IL1RAPL2: variants seen among roughly 807,000 people sequenced by gnomAD.
The protein encoded by IL1RAPL2 is X-linked interleukin-1 receptor accessory protein-like 2.
Under a neutral mutation model 44.1 loss-of-function variants are expected in IL1RAPL2, and 3 were observed. That is an observed-to-expected ratio of 0.07 (90% CI 0.03 to 0.18). IL1RAPL2 has a LOEUF of 0.18. Among genes scored for constraint, IL1RAPL2 ranks in the 10% least tolerant of loss-of-function variants. The probability of loss-of-function intolerance (pLI) is 1.00; values close to 1 mark genes in which losing one functional copy is unlikely to be tolerated. For synonymous variants in IL1RAPL2, 181 were observed against 178.8 expected, an observed-to-expected ratio of 1.01 and a Z score of -0.10; for missense variants, 391 against 496.4, an observed-to-expected ratio of 0.79 and a Z score of 2.02.
At chrX:104,688,512 G>A (rs1398226992) in intron 2 of IL1RAPL2, among the ~76,000 whole-genome samples, 4 of 111,463 alleles carry the variant, frequency 3.6e-5, no homozygotes, top group Admixed American at 1.9e-4. Flanking sequence ...AACGCTTAAT[G>A]CAGTACCTGG....
At chrX:105,160,022 G>C (rs751738360) in intron 2 of IL1RAPL2, among the ~76,000 whole-genome samples, 1 of 92,354 alleles carries the variant, frequency 1.1e-5, no homozygotes, top group Non-Finnish European at 2.0e-5. Context: ...GTGGTTGTTT[G>C]TAACAAAAAT....
intron 2 of IL1RAPL2, among the ~76,000 whole-genome samples, chrX:105,080,724 A>T (rs1439691312): frequency 9.0e-6 from 1 of 111,379 alleles, no homozygotes; most frequent in Admixed American, 9.6e-5. Flanking sequence ...TCCGTAGGAA[A>T]TTGAAGTAGT....
At chrX:105,170,548 C>A (rs1408971660) in intron 2 of IL1RAPL2, among the ~76,000 whole-genome samples, 1 of 111,153 alleles carries the variant, frequency 9.0e-6, no homozygotes, top group Admixed American at 9.6e-5. Context: ...TACAATGACC[C>A]CATGAAGTAG....
chrX:105,670,597 C>T (rs2037815839), intron 6 of IL1RAPL2, among the ~76,000 whole-genome samples: 1 of 98,915 alleles, frequency 1.0e-5, no homozygotes, highest in African/African-American at 3.6e-5. Flanking sequence ...CCGCGCCCGG[C>T]CAATCTTGTC....
intron 2 of IL1RAPL2, among the ~76,000 whole-genome samples, chrX:104,882,162 A>G (rs764854186): frequency 3.6e-5 from 4 of 112,002 alleles, no homozygotes; most frequent in Non-Finnish European, 7.5e-5. Context: ...AAATGTGCAG[A>G]TATGATATAC....
In IL1RAPL2 at chrX:104,732,241, C is replaced by A. The variant is rs113741102; in HGVS notation, c.82+73246C>A. Among the ~76,000 whole-genome samples the A allele has an allele frequency of 3.2e-3, 352 of 110,125 alleles. 2 individuals are homozygous for A. Among genetic ancestry groups the A allele is most frequent in the African/African-American group, 0.011 (337 of 30,268 alleles). On this transcript the variant is annotated intron_variant, in intron 2 of 10. Transcript: ENST00000372582. ...CCACTTTAAGTAGTTAGAAAAGGAA[C>A]AAGATAGTTGATTAAAAAAGGGAAG...
chrX:104,773,655 C>T (rs1488101571), intron 2 of IL1RAPL2, among the ~76,000 whole-genome samples: 5 of 111,770 alleles, frequency 4.5e-5, no homozygotes, highest in East Asian at 5.6e-4. Flanking sequence ...GAAAGAAGTT[C>T]GTGCTGTTGT....
Position 104,678,737 on chromosome X carries a change from A to G in IL1RAPL2, c.82+19742A>G, listed in dbSNP as rs1172802518. 2.7e-5 allele frequency among the ~76,000 whole-genome samples: 3 copies of G among 111,526 alleles called. No individual in the cohort carries two copies. The Admixed American group carries it at 2.9e-4, about 11-fold the overall frequency. On this transcript the variant is annotated intron_variant, in intron 2 of 10. Coordinates refer to ENST00000372582, the MANE Select transcript of IL1RAPL2 (RefSeq NM_017416.2). ...GAATTAGTTCAATTGTTCAATTCCC[A>G]CTTATGAGTGAGAACACATGGACAC...
intron 5 of IL1RAPL2, among the ~76,000 whole-genome samples, chrX:105,360,510 C>A (rs2035239860): frequency 9.0e-6 from 1 of 110,624 alleles, no homozygotes; most frequent in African/African-American, 3.3e-5. Context: ...GTAATAGGTG[C>A]TCTGGAAAAA....
chrX:105,062,818 A>G (rs2032091702), intron 2 of IL1RAPL2, among the ~76,000 whole-genome samples: 1 of 111,279 alleles, frequency 9.0e-6, no homozygotes, highest in Admixed American at 9.6e-5. Flanking sequence ...TTGAAGCTCC[A>G]TTGTATGTTA....
chrX:104,736,553 G>A (rs73243900), intron 2 of IL1RAPL2, among the ~76,000 whole-genome samples: 375 of 112,046 alleles, frequency 3.3e-3, no homozygotes, highest in Non-Finnish European at 5.7e-3. Context: ...CCACCATGAA[G>A]TCATTTTACA....
intron 5 of IL1RAPL2, among the ~76,000 whole-genome samples, chrX:105,383,092 A>C (rs1235865284): frequency 9.1e-6 from 1 of 110,099 alleles, no homozygotes; most frequent in Non-Finnish European, 1.9e-5. Context: ...CACGTTGTGC[A>C]CATGTACCCT....
At chrX:105,676,879 A>C (rs2037877555) in intron 6 of IL1RAPL2, among the ~76,000 whole-genome samples, 2 of 112,060 alleles carry the variant, frequency 1.8e-5, no homozygotes, top group South Asian at 7.4e-4. Flanking sequence ...ACTAAATCAT[A>C]ATGCTTTAGT....
At chrX:105,197,643 C>T (rs999695063) in intron 3 of IL1RAPL2, among the ~76,000 whole-genome samples, 3 of 111,621 alleles carry the variant, frequency 2.7e-5, no homozygotes, top group Non-Finnish European at 5.6e-5. Flanking sequence ...AACATACTGA[C>T]ATGGCTATTT....
chrX:105,059,210 A>G (rs1376727999), intron 2 of IL1RAPL2, among the ~76,000 whole-genome samples: 1 of 111,790 alleles, frequency 8.9e-6, no homozygotes, highest in African/African-American at 3.2e-5. Context: ...ATCAAATACT[A>G]TATCTTATTC....
intron 1 of IL1RAPL2, among the ~76,000 whole-genome samples, chrX:104,611,730 G>C (rs1169814933): frequency 9.3e-6 from 1 of 107,225 alleles, no homozygotes; most frequent in Non-Finnish European, 1.9e-5. Context: ...CCAGCTAATC[G>C]GGAGGCTGAG....
chrX:105,342,066 A>T (rs2035075068), intron 5 of IL1RAPL2, among the ~76,000 whole-genome samples: 1 of 106,579 alleles, frequency 9.4e-6, no homozygotes, highest in Admixed American at 1.0e-4. Context: ...AGGACAAAAA[A>T]CCAAACACCA....
At chrX:105,215,192 T>G (rs182447674) in intron 3 of IL1RAPL2, among the ~76,000 whole-genome samples, 3 of 111,445 alleles carry the variant, frequency 2.7e-5, no homozygotes, top group African/African-American at 9.8e-5. Flanking sequence ...TTGAAACGAT[T>G]AACAAAACAG....
chrX:104,575,485 A>G (rs1928227854), intron 1 of IL1RAPL2, among the ~76,000 whole-genome samples: 1 of 111,552 alleles, frequency 9.0e-6, no homozygotes, highest in Admixed American at 9.6e-5. Flanking sequence ...GTGATTCTAG[A>G]GGAATATGGA....
Sources: gnomAD v4.1 joint callset for allele counts (sites outside exome capture counted in the v4.1 genomes callset) on GRCh38, gnomAD v4.1.1 for gene constraint, MANE v1.5 for transcripts, NCBI Gene and HGNC (gene_info 2026-07-23, HGNC 2026-07-21) for gene names.